Variants in PIK3AP1 observed in about 807,000 individuals in gnomAD.
PIK3AP1 encodes phosphoinositide 3-kinase adapter protein 1.
In PIK3AP1, 21 loss-of-function variants were observed where a neutral mutation model predicts 88.1. The ratio of observed to expected loss-of-function variants is 0.24; its 90% CI spans 0.17 to 0.34. The LOEUF (loss-of-function observed/expected upper bound fraction) is 0.34, where lower values mean the gene tolerates loss of function less well. PIK3AP1 is among the 10% of genes least tolerant of loss of function. The probability of loss-of-function intolerance (pLI) is 1.00; values close to 1 mark genes in which losing one functional copy is unlikely to be tolerated. For synonymous variants in PIK3AP1, 398 were observed against 400.0 expected (o/e 1.00, Z 0.06); for missense variants, 828 against 1,035.7 (o/e 0.80, Z 2.75).
intron 2 of PIK3AP1, among the ~76,000 whole-genome samples, chr10:96,662,631 A>C (rs1843704339): frequency 6.6e-6 from 1 of 151,182 alleles, no homozygotes; most frequent in Middle Eastern, 3.5e-3. Context: ...CTGTAATCCC[A>C]GCACTTTGGG....
intron 2 of PIK3AP1, among the ~76,000 whole-genome samples, chr10:96,673,598 T>A (rs1371380202): frequency 6.6e-6 from 1 of 152,212 alleles, no homozygotes; most frequent in Admixed American, 6.5e-5. Context: ...AACGCAGGCT[T>A]GTCATGAGGC....
intron 2 of PIK3AP1, among the ~76,000 whole-genome samples, chr10:96,686,176 C>T (rs1025370481): frequency 6.6e-6 from 1 of 152,172 alleles, no homozygotes; most frequent in African/African-American, 2.4e-5. Flanking sequence ...TAATGACTAT[C>T]ACCCTAACCA....
At chr10:96,700,651 C>A (rs1438864848) in intron 2 of PIK3AP1, among the ~76,000 whole-genome samples, 1 of 152,148 alleles carries the variant, frequency 6.6e-6, no homozygotes, top group Non-Finnish European at 1.5e-5. Context: ...AGTGGCTTAA[C>A]CCACAGCAGA....
At chr10:96,601,178 G>C (rs1218992057) in intron 16 of PIK3AP1, among the ~76,000 whole-genome samples, 1 of 151,980 alleles carries the variant, frequency 6.6e-6, no homozygotes, top group Non-Finnish European at 1.5e-5. Flanking sequence ...TCATTTTATA[G>C]ACAAGGAAAT....
chr10:96,677,866 G>A (rs753533986), intron 2 of PIK3AP1, among the ~76,000 whole-genome samples: 7 of 152,196 alleles, frequency 4.6e-5, no homozygotes, highest in African/African-American at 1.7e-4. Context: ...AGAGGGAGGT[G>A]AGAGTTTTTG....
intron 8 of PIK3AP1, among the ~76,000 whole-genome samples, chr10:96,636,824 T>C (rs995789505): frequency 8.7e-6 from 1 of 114,676 alleles, no homozygotes; most frequent in Non-Finnish European, 1.8e-5. Flanking sequence ...AACCCACTCC[T>C]GGAATGCAAG....
At chr10:96,614,223 C>T (rs79334428) in intron 13 of PIK3AP1, among the ~76,000 whole-genome samples, 12 of 152,218 alleles carry the variant, frequency 7.9e-5, no homozygotes, top group Admixed American at 4.6e-4. Context: ...CTGGGTGCAA[C>T]GCCAAATCAC....
At chr10:96,659,670 T>C (rs7088605) in intron 2 of PIK3AP1, among the ~76,000 whole-genome samples, 150,072 of 150,074 alleles carry the variant, frequency 1, 75,035 homozygotes, top group Middle Eastern at 1. Flanking sequence ...CAAGACCAGC[T>C]TGGGCAACAT....
intron 4 of PIK3AP1, 108 bp from the exon 5 acceptor site, chr10:96,651,759 G>A (rs888833095): frequency 3.8e-6 from 5 of 1,303,708 alleles, no homozygotes; most frequent in East Asian, 2.5e-5. Flanking sequence ...CACTAATTGG[G>A]GGCTGGAAGA....
rs1554955371 is a variant in PIK3AP1 at position 96,628,889 on chromosome 10, C to CATATACATACATATAT, written c.1376-397_1376-396insATATATGTATGTATAT. ...ACATATATACACATATATATATATA[C>CATATACATACATATAT]ATATATATATATATATATGTGTATA... On this transcript the variant is annotated intron_variant, in intron 8 of 16. Transcript: ENST00000339364. Among the ~76,000 whole-genome samples, 8 of 60,852 alleles carry CATATACATACATATAT rather than the reference C, an allele frequency of 1.3e-4. 2 individuals are homozygous for CATATACATACATATAT. The highest frequency in any genetic ancestry group is 2.2e-4 in the Non-Finnish European group (7 of 32,088). The allele number at this position is 60,852 out of a possible 152,430, so 39.9% of individuals were successfully genotyped here. A position where few individuals can be genotyped will look rare whatever the true frequency, so the allele number is the denominator to read the frequency against.
chr10:96,608,895 T>C (rs140483967), intron 14 of PIK3AP1, among the ~76,000 whole-genome samples: 2 of 152,334 alleles, frequency 1.3e-5, no homozygotes, highest in East Asian at 3.9e-4. Context: ...TCCTAGCTGT[T>C]TTATTAGCAC....
chr10:96,710,582 ACACCTGAAG>A (rs1402900540), intron 1 of PIK3AP1, among the ~76,000 whole-genome samples: 1 of 152,000 alleles, frequency 6.6e-6, no homozygotes, highest in African/African-American at 2.4e-5. Context: ...CCTTCCCCCC[ACACCTGAAG>A]CAGTATGAGA....
chr10:96,667,974 T>C (rs886119095), intron 2 of PIK3AP1, among the ~76,000 whole-genome samples: 3 of 152,228 alleles, frequency 2.0e-5, no homozygotes, highest in Non-Finnish European at 4.4e-5. Flanking sequence ...ATCTAACTTC[T>C]ATCTATATCA....
In PIK3AP1 at chr10:96,720,164, G is replaced by A. The variant is rs992093816; in HGVS notation, c.13+218C>T. Reference sequence around the variant, plus strand: ...GAAGAAGTGGGAGGGGGTCGGGCCAGGCAGGGGCTGAAGAGAATCGCGCCA... The same window carrying A: ...GAAGAAGTGGGAGGGGGTCGGGCCAAGCAGGGGCTGAAGAGAATCGCGCCA... On this transcript the variant is annotated intron_variant, in intron 1 of 16. Coordinates refer to ENST00000339364, the MANE Select transcript of PIK3AP1 (RefSeq NM_152309.3). The surrounding 1 kb of genome is among the most constrained non-coding windows in gnomAD (Gnocchi z 4.6). Among the ~76,000 whole-genome samples, 4 of 152,222 alleles carry A rather than the reference G, an allele frequency of 2.6e-5. No homozygotes were observed. Among genetic ancestry groups the A allele is most frequent in the Non-Finnish European group, 5.9e-5 (4 of 68,034 alleles).
chr10:96,616,500 T>C (rs1347985873), intron 13 of PIK3AP1, 139 bp downstream of exon 13: 1 of 833,918 alleles, frequency 1.2e-6, no homozygotes, highest in Admixed American at 2.2e-5. Flanking sequence ...TACAGTCTAG[T>C]GGGGGACCCA....
intron 16 of PIK3AP1, among the ~76,000 whole-genome samples, chr10:96,599,552 G>A (rs1848847072): frequency 6.6e-6 from 1 of 152,118 alleles, no homozygotes; most frequent in Non-Finnish European, 1.5e-5. Flanking sequence ...CCAGGGGTTA[G>A]CAGGGAGGTT....
chr10:96,668,386 T>TAA (rs2134250831), intron 2 of PIK3AP1, among the ~76,000 whole-genome samples: 1 of 152,322 alleles, frequency 6.6e-6, no homozygotes, highest in South Asian at 2.1e-4. Context: ...TTATGCTATT[T>TAA]TGCTTCCATT....
At chr10:96,699,786 A>T (rs1844271327) in intron 2 of PIK3AP1, among the ~76,000 whole-genome samples, 2 of 152,234 alleles carry the variant, frequency 1.3e-5, no homozygotes, top group Non-Finnish European at 1.5e-5. Flanking sequence ...CAAGTCACTG[A>T]ACCTGCCTGG....
At chr10:96,637,593 G>T (rs1196835997) in intron 8 of PIK3AP1, among the ~76,000 whole-genome samples, 1 of 152,094 alleles carries the variant, frequency 6.6e-6, no homozygotes, top group Admixed American at 6.5e-5. Context: ...CAAGCGATCT[G>T]CCCACTTTGG....
Sources: gnomAD v4.1 joint callset for allele counts (sites outside exome capture counted in the v4.1 genomes callset) on GRCh38, gnomAD v4.1.1 for gene constraint, Gnocchi (gnomAD v3.1) non-coding constraint, MANE v1.5 for transcripts, NCBI Gene and HGNC (gene_info 2026-07-23, HGNC 2026-07-21) for gene names.